SOCS5: variants seen among roughly 807,000 people sequenced by gnomAD.
The protein encoded by SOCS5 is suppressor of cytokine signaling 5.
SOCS5 carries 32 observed loss-of-function variants against 42.8 expected under a neutral mutation model. The observed-to-expected ratio is 0.75, with a 90% confidence interval of 0.56 to 1.01. The LOEUF is 1.01. SOCS5 is among the 50% of genes least tolerant of loss of function. The probability of loss-of-function intolerance (pLI) is 0.00; values close to 1 mark genes in which losing one functional copy is unlikely to be tolerated. For missense variants in SOCS5, 627 were observed against 653.0 expected, an observed-to-expected ratio of 0.96 and a Z score of 0.43; for synonymous variants, 283 against 229.6, an observed-to-expected ratio of 1.23 and a Z score of -2.10.
chr2:46,759,678 G>T lies in SOCS5; in HGVS notation c.1148G>T (p.Trp383Leu), dbSNP rs1412591841. 1 of 1,614,058 alleles carries T rather than the reference G, an allele frequency of 6.2e-7. No homozygotes were observed. The highest frequency in any genetic ancestry group is 8.5e-7 in the Non-Finnish European group (1 of 1,179,958). The change falls in exon 2 of 2, where the codon TGG (tryptophan) becomes TTG (leucine). Residue 383 changes from tryptophan (W) to leucine (L), a missense_variant. By Grantham distance (61) the Trp-to-Leu change is moderately conservative. This residue lies in a region of SOCS5 where 340 missense variants were observed against 367.6 expected (regional missense o/e 0.92). Transcript: ENST00000394861. ...LLQITGNPCYWGVMDRYEAEA... is the reference protein window; with the variant it reads ...LLQITGNPCYLGVMDRYEAEA... ...CAAATTACAGGGAATCCCTGTTACT[G>T]GGGAGTGATGGACCGTTATGAAGCA...
chr2:46,744,173 A>G (rs1673447700), intron 1 of SOCS5, among the ~76,000 whole-genome samples: 1 of 151,992 alleles, frequency 6.6e-6, no homozygotes, highest in African/African-American at 2.4e-5. Flanking sequence ...TATTTTCAGT[A>G]GAGATGGGGT....
chr2:46,754,289 A>G (rs1259406170), intron 1 of SOCS5, among the ~76,000 whole-genome samples: 1 of 152,206 alleles, frequency 6.6e-6, no homozygotes, highest in East Asian at 1.9e-4. Flanking sequence ...GGCTCTTCAG[A>G]TGAATTCTTA....
rs577473005 is a variant in SOCS5, at chr2:46,747,634, C to T, written c.-12-10885C>T. Among the ~76,000 whole-genome samples, 4 of 152,228 alleles carry T rather than the reference C, an allele frequency of 2.6e-5. No individual in the cohort carries two copies. In the South Asian group the frequency reaches 8.3e-4, roughly 32 times the overall value. ...CTTTTTAAGGTTTCTTTGTTCTTCTCTTCCTGTGGTCATTGTACTTACACG... is the reference window on the plus strand; with the variant it reads ...CTTTTTAAGGTTTCTTTGTTCTTCTTTTCCTGTGGTCATTGTACTTACACG... On this transcript the variant is annotated intron_variant, in intron 1 of 1. Transcript: ENST00000394861.
chr2:46,718,967 A>C (rs1672815082), intron 1 of SOCS5, among the ~76,000 whole-genome samples: 1 of 152,238 alleles, frequency 6.6e-6, no homozygotes, highest in African/African-American at 2.4e-5. Flanking sequence ...TAAGAGATGC[A>C]CACAAATGTG....
At chr2:46,705,844 G>A (rs1168323667) in intron 1 of SOCS5, among the ~76,000 whole-genome samples, 1 of 152,178 alleles carries the variant, frequency 6.6e-6, no homozygotes, top group Admixed American at 6.5e-5. Flanking sequence ...GCTGTTCCAG[G>A]TAGTTAAAAG....
chr2:46,739,446 T>C (rs2103738759), intron 1 of SOCS5, among the ~76,000 whole-genome samples: 1 of 152,354 alleles, frequency 6.6e-6, no homozygotes, highest in African/African-American at 2.4e-5. Context: ...GTTGTCTGTC[T>C]TGCGTATGCT....
chr2:46,726,247 C>T (rs1032053347), intron 1 of SOCS5, among the ~76,000 whole-genome samples: 3 of 152,220 alleles, frequency 2.0e-5, no homozygotes, highest in Non-Finnish European at 4.4e-5. Context: ...CAGGCGTGCA[C>T]CACCATGCTC....
intron 1 of SOCS5, among the ~76,000 whole-genome samples, chr2:46,738,723 A>G (rs1403340825): frequency 6.6e-6 from 1 of 152,188 alleles, no homozygotes. Flanking sequence ...CATAGCTTCT[A>G]TGTATGTGTT....
intron 1 of SOCS5, among the ~76,000 whole-genome samples, chr2:46,755,792 A>C (rs1308969091): frequency 6.6e-6 from 1 of 152,220 alleles, no homozygotes; most frequent in African/African-American, 2.4e-5. Flanking sequence ...TAACAAAACA[A>C]ACAAAAGAAC....
intron 1 of SOCS5, among the ~76,000 whole-genome samples, chr2:46,718,650 A>G (rs1672806667): frequency 6.6e-6 from 1 of 152,212 alleles, no homozygotes; most frequent in South Asian, 2.1e-4. Flanking sequence ...AATAAAAGCA[A>G]TATGGGAAAA....
chr2:46,717,970 T>C lies in SOCS5; in HGVS notation c.-13+18521T>C, dbSNP rs7572241. On this transcript the variant is annotated intron_variant, in intron 1 of 1. Coordinates refer to ENST00000394861, the MANE Select transcript of SOCS5 (RefSeq NM_144949.3). ...TCTAGGCAAAGATTCCGGAGATCTC[T>C]CTAAAGATTTCTGAAACTTTGTCTC... 6.0e-3 allele frequency among the ~76,000 whole-genome samples: 918 copies of C among 152,356 alleles called. 12 individuals carry two copies. The highest frequency in any genetic ancestry group is 0.021 in the African/African-American group (882 of 41,586).
chr2:46,734,139 C>G (rs1673189408), intron 1 of SOCS5, among the ~76,000 whole-genome samples: 1 of 152,148 alleles, frequency 6.6e-6, no homozygotes, highest in Admixed American at 6.5e-5. Context: ...TCTGATACTT[C>G]TGTGGAGCAA....
intron 1 of SOCS5, among the ~76,000 whole-genome samples, chr2:46,722,771 A>G (rs932814142): frequency 6.6e-6 from 1 of 152,158 alleles, no homozygotes; most frequent in Non-Finnish European, 1.5e-5. Flanking sequence ...TTTCAAGAAT[A>G]GCTGAAAACA....
At chr2:46,714,087 C>T (rs888281170) in intron 1 of SOCS5, among the ~76,000 whole-genome samples, 7 of 152,016 alleles carry the variant, frequency 4.6e-5, no homozygotes, top group Admixed American at 1.3e-4. Context: ...TCTTGGTGAA[C>T]GTTCAATGTA....
chr2:46,743,884 A>G (rs894678532), intron 1 of SOCS5, among the ~76,000 whole-genome samples: 4 of 152,204 alleles, frequency 2.6e-5, no homozygotes, highest in Non-Finnish European at 5.9e-5. Context: ...CATTTTCTAC[A>G]TAAAGGAAGC....
chr2:46,733,037 C>T (rs969567649), intron 1 of SOCS5, among the ~76,000 whole-genome samples: 4 of 151,842 alleles, frequency 2.6e-5, no homozygotes, highest in East Asian at 1.9e-4. Context: ...CAAATAATTA[C>T]GTGGGTCAAA....
At chr2:46,751,248 T>C (rs192049431) in intron 1 of SOCS5, among the ~76,000 whole-genome samples, 1 of 152,138 alleles carries the variant, frequency 6.6e-6, no homozygotes, top group African/African-American at 2.4e-5. Flanking sequence ...CTGTCAAGAT[T>C]ATTACTCTTT....
At chr2:46,740,983 A>C (rs1406930451) in intron 1 of SOCS5, among the ~76,000 whole-genome samples, 1 of 152,146 alleles carries the variant, frequency 6.6e-6, no homozygotes, top group African/African-American at 2.4e-5. Flanking sequence ...TAGTGATATT[A>C]CTTACCACTA....
At chr2:46,739,099 G>A (rs2103738347) in intron 1 of SOCS5, among the ~76,000 whole-genome samples, 1 of 152,276 alleles carries the variant, frequency 6.6e-6, no homozygotes. Context: ...TTCTTTGGTA[G>A]AATATTTAAT....
Sources: gnomAD v4.1 joint callset for allele counts (sites outside exome capture counted in the v4.1 genomes callset) on GRCh38, gnomAD v4.1.1 for gene constraint, gnomAD v4.1.1 regional missense constraint, MANE v1.5 for transcripts, NCBI Gene and HGNC (gene_info 2026-07-23, HGNC 2026-07-21) for gene names.